LRRC4C: variants seen among roughly 807,000 people sequenced by gnomAD.
LRRC4C encodes the protein leucine rich repeat containing 4C.
Under a neutral mutation model 33.6 loss-of-function variants are expected in LRRC4C, and 5 were observed. The observed-to-expected ratio is 0.15, with a 90% confidence interval of 0.08 to 0.31. The LOEUF is 0.31. Among genes scored for constraint, LRRC4C ranks in the 10% least tolerant of loss-of-function variants. LRRC4C has a pLI of 1.00. For synonymous variants in LRRC4C, 329 were observed against 302.0 expected, an observed-to-expected ratio of 1.09 and a Z score of -0.93; for missense variants, 560 against 796.7, an observed-to-expected ratio of 0.70 and a Z score of 3.58.
intron 3 of LRRC4C, among the ~76,000 whole-genome samples, chr11:40,599,206 T>C (rs2135793429): frequency 6.6e-6 from 1 of 152,010 alleles, no homozygotes; most frequent in Admixed American, 6.5e-5. Context: ...CCCACAATTT[T>C]GGGAGGCTGA....
At chr11:40,374,952 G>A (rs1948598851) in intron 3 of LRRC4C, among the ~76,000 whole-genome samples, 1 of 152,116 alleles carries the variant, frequency 6.6e-6, no homozygotes, top group Non-Finnish European at 1.5e-5. Flanking sequence ...CACATAGCTG[G>A]CAAGCAACTA....
At chr11:40,591,153 G>A (rs971712871) in intron 3 of LRRC4C, among the ~76,000 whole-genome samples, 4 of 152,140 alleles carry the variant, frequency 2.6e-5, no homozygotes, top group African/African-American at 4.8e-5. Flanking sequence ...ACGACCCTCC[G>A]AGCCAGGTAC....
chr11:40,622,764 C>T (rs1309894928), intron 3 of LRRC4C, among the ~76,000 whole-genome samples: 2 of 151,738 alleles, frequency 1.3e-5, no homozygotes, highest in Non-Finnish European at 2.9e-5. Flanking sequence ...GAATGTTTCC[C>T]TATTTGTAAG....
intron 2 of LRRC4C, among the ~76,000 whole-genome samples, chr11:40,751,418 T>G (rs1374213579): frequency 1.3e-5 from 2 of 152,086 alleles, no homozygotes; most frequent in African/African-American, 4.8e-5. Flanking sequence ...TTCAGAAATG[T>G]TGAAGGATAC....
intron 4 of LRRC4C, among the ~76,000 whole-genome samples, chr11:40,259,996 C>T (rs1238126446): frequency 7.6e-5 from 11 of 145,244 alleles, no homozygotes; most frequent in East Asian, 4.1e-4. Context: ...GTCAGTGTGG[C>T]GATTCCTCAG....
chr11:40,775,750 A>C (rs1340181625), intron 2 of LRRC4C, among the ~76,000 whole-genome samples: 2 of 152,106 alleles, frequency 1.3e-5, no homozygotes, highest in African/African-American at 4.8e-5. Flanking sequence ...TGCTTTTTCT[A>C]TTTGGATGTC....
intron 3 of LRRC4C, among the ~76,000 whole-genome samples, chr11:40,526,075 T>TA (rs199699667): frequency 1.5e-4 from 22 of 147,578 alleles, no homozygotes; most frequent in South Asian, 1.1e-3. Flanking sequence ...TGCCTCTAAT[T>TA]AAAAAAAAAA....
At chr11:41,007,786 T>C (rs930392730) in intron 1 of LRRC4C, among the ~76,000 whole-genome samples, 2 of 152,156 alleles carry the variant, frequency 1.3e-5, no homozygotes, top group Non-Finnish European at 2.9e-5. Context: ...CTCTGAAATT[T>C]AGACATCTAG....
chr11:40,748,985 C>A (rs754273369), intron 2 of LRRC4C, among the ~76,000 whole-genome samples: 1 of 151,678 alleles, frequency 6.6e-6, no homozygotes, highest in East Asian at 1.9e-4. Context: ...ATGTATAAAG[C>A]AAATAATACT....
intron 2 of LRRC4C, among the ~76,000 whole-genome samples, chr11:40,910,902 C>G (rs1442731428): frequency 6.6e-6 from 1 of 152,186 alleles, no homozygotes; most frequent in African/African-American, 2.4e-5. Flanking sequence ...AGATTATATC[C>G]CATGCCTGGC....
At chr11:40,347,135 A>G (rs1947172516) in intron 3 of LRRC4C, among the ~76,000 whole-genome samples, 1 of 152,222 alleles carries the variant, frequency 6.6e-6, no homozygotes, top group Admixed American at 6.5e-5. Context: ...CTACTTGGAC[A>G]ATTTGTTATT....
chr11:40,326,239 G>A (rs1250830003), intron 3 of LRRC4C, among the ~76,000 whole-genome samples: 2 of 152,054 alleles, frequency 1.3e-5, no homozygotes, highest in African/African-American at 2.4e-5. Context: ...CACCCAGAGG[G>A]CTCAGGCTTC....
chr11:40,594,254 A>G (rs1959173538), intron 3 of LRRC4C, among the ~76,000 whole-genome samples: 1 of 152,250 alleles, frequency 6.6e-6, no homozygotes, highest in Admixed American at 6.5e-5. Context: ...CAGTGTGCCC[A>G]GCACTGTATT....
chr11:40,654,406 T>C (rs1591381167), intron 2 of LRRC4C, among the ~76,000 whole-genome samples: 1 of 152,320 alleles, frequency 6.6e-6, no homozygotes, highest in Non-Finnish European at 1.5e-5. Context: ...TGCATCAGTG[T>C]GCCCTGAATG....
At chr11:41,328,570 T>A (rs984183610) in intron 1 of LRRC4C, among the ~76,000 whole-genome samples, 1 of 152,132 alleles carries the variant, frequency 6.6e-6, no homozygotes, top group Non-Finnish European at 1.5e-5. Context: ...TTCCCTTTTC[T>A]CAGGTAGCTT....
chr11:40,921,103 C>G (rs759260414), intron 2 of LRRC4C, among the ~76,000 whole-genome samples: 15 of 151,824 alleles, frequency 9.9e-5, no homozygotes, highest in Non-Finnish European at 2.1e-4. Flanking sequence ...AAAAAATTTT[C>G]GTAGAGACAA....
intron 4 of LRRC4C, among the ~76,000 whole-genome samples, chr11:40,300,262 AG>A (rs1422653420): frequency 2.6e-5 from 4 of 152,292 alleles, no homozygotes; most frequent in Admixed American, 2.0e-4. Context: ...CTCCAACATT[AG>A]GGATTACAAT....
intron 1 of LRRC4C, among the ~76,000 whole-genome samples, chr11:41,412,564 C>T (rs1359628121): frequency 2.0e-5 from 3 of 152,130 alleles, no homozygotes; most frequent in South Asian, 2.1e-4. Context: ...TCACATCTTT[C>T]GTCTGTTCAT....
At chr11:40,501,462 A>T (rs7932464) in intron 3 of LRRC4C, among the ~76,000 whole-genome samples, 83,534 of 152,022 alleles carry the variant, frequency 0.55, 23,433 homozygotes, top group East Asian at 0.81. Flanking sequence ...CATTCAGGTG[A>T]TGCCATACAT....
Sources: allele counts gnomAD v4.1 joint callset (sites outside exome capture counted in the v4.1 genomes callset), GRCh38; gene constraint gnomAD v4.1.1; transcripts MANE v1.5; gene names NCBI Gene and HGNC (gene_info 2026-07-23, HGNC 2026-07-21).